Variants in SIL1 observed in about 807,000 individuals in gnomAD.
The protein encoded by SIL1 is SIL1 nucleotide exchange factor, also known as nucleotide exchange factor SIL1.
Under a neutral mutation model 49.1 loss-of-function variants are expected in SIL1, and 40 were observed. The ratio of observed to expected loss-of-function variants is 0.81; its 90% confidence interval spans 0.63 to 1.06. The LOEUF (loss-of-function observed/expected upper bound fraction) is 1.06, where lower values mean the gene tolerates loss of function less well. SIL1 is among the 50% of genes least tolerant of loss of function. SIL1 has a pLI of 0.00. For missense variants in SIL1, 500 were observed against 572.6 expected, an observed-to-expected ratio of 0.87 and a Z score of 1.29; for synonymous variants, 253 against 250.8, an observed-to-expected ratio of 1.01 and a Z score of -0.08.
intron 1 of SIL1, among the ~76,000 whole-genome samples, chr5:139,163,779 T>C (rs1012260978): frequency 6.6e-6 from 1 of 152,202 alleles, no homozygotes; most frequent in Non-Finnish European, 1.5e-5. Context: ...GTTTTTGCCA[T>C]TTAAAATTGC....
At chr5:139,180,318 T>C (rs1322759558) in intron 1 of SIL1, among the ~76,000 whole-genome samples, 1 of 145,822 alleles carries the variant, frequency 6.9e-6, no homozygotes, top group African/African-American at 2.6e-5. Context: ...GAGGTGAAGA[T>C]TGCAGTGAGC....
intron 7 of SIL1, among the ~76,000 whole-genome samples, chr5:139,015,515 C>T (rs527286486): frequency 4.3e-4 from 65 of 152,280 alleles, no homozygotes; most frequent in South Asian, 2.3e-3. Context: ...TCCAAAATCA[C>T]GAAAGTGGCT....
intron 1 of SIL1, among the ~76,000 whole-genome samples, chr5:139,193,456 T>A (rs534086934): frequency 6.6e-6 from 1 of 152,004 alleles, no homozygotes; most frequent in Admixed American, 6.5e-5. Context: ...TAATCCCAGT[T>A]ACTCAGGAGG....
chr5:139,070,590 G>A (rs997976368), intron 3 of SIL1, among the ~76,000 whole-genome samples: 6 of 152,002 alleles, frequency 3.9e-5, no homozygotes, highest in African/African-American at 1.2e-4. Flanking sequence ...CAGACAGCAA[G>A]AAAACTATCA....
intron 3 of SIL1, among the ~76,000 whole-genome samples, chr5:139,092,596 G>C (rs1444884498): frequency 6.6e-6 from 1 of 152,094 alleles, no homozygotes; most frequent in East Asian, 1.9e-4. Context: ...TTTGTTCAGA[G>C]AACACCACAG....
intron 1 of SIL1, among the ~76,000 whole-genome samples, chr5:139,140,000 G>A (rs1481204618): frequency 6.6e-6 from 1 of 152,190 alleles, no homozygotes; most frequent in Non-Finnish European, 1.5e-5. Context: ...GCTGGGTGCA[G>A]TGGCTCATGC....
chr5:138,971,157 A>T (rs1003768693), intron 7 of SIL1, among the ~76,000 whole-genome samples: 2 of 152,304 alleles, frequency 1.3e-5, no homozygotes. Flanking sequence ...AGAGGAGAAC[A>T]GAATGTGTTG....
intron 1 of SIL1, chr5:139,133,587 TG>T (rs959445298): frequency 6.6e-6 from 1 of 152,252 alleles, no homozygotes; most frequent in Non-Finnish European, 1.5e-5. Context: ...GCTGGGTCTC[TG>T]GCAGCTTCTG....
intron 1 of SIL1, among the ~76,000 whole-genome samples, chr5:139,129,603 C>T (rs1234438038): frequency 5.9e-5 from 9 of 152,192 alleles, no homozygotes; most frequent in Non-Finnish European, 1.3e-4. Flanking sequence ...ACCCAGGAGG[C>T]AGAGCTTGCA....
At chr5:139,040,484 C>CTTTTTTGTTTTTTTTT (rs140792595) in intron 5 of SIL1, among the ~76,000 whole-genome samples, 1 of 89,410 alleles carries the variant, frequency 1.1e-5, no homozygotes, top group Non-Finnish European at 2.1e-5. Flanking sequence ...AGTATTTTTT[C>CTTTTTTGTTTTTTTTT]TTTTTTCTTT....
At chr5:139,115,508 G>T (rs910578803) in intron 3 of SIL1, among the ~76,000 whole-genome samples, 5 of 152,194 alleles carry the variant, frequency 3.3e-5, no homozygotes, top group South Asian at 2.1e-4. Flanking sequence ...AGGGAAGGAG[G>T]ACTGGAGATT....
At chr5:139,127,928 G>T in intron 1 of SIL1, 75 bp from the exon 2 acceptor site, 1 of 893,752 alleles carries the variant, frequency 1.1e-6, no homozygotes, top group Non-Finnish European at 1.8e-6. Context: ...TGATTCCCAT[G>T]TCGTCACTTG....
intron 7 of SIL1, among the ~76,000 whole-genome samples, chr5:138,978,878 G>T (rs932357231): frequency 6.6e-6 from 1 of 151,890 alleles, no homozygotes; most frequent in Non-Finnish European, 1.5e-5. Flanking sequence ...TCTTTTTATT[G>T]TTGAATTGTA....
chr5:139,162,448 C>A (rs577476047), intron 1 of SIL1, among the ~76,000 whole-genome samples: 1 of 152,154 alleles, frequency 6.6e-6, no homozygotes, highest in African/African-American at 2.4e-5. Context: ...AGCCTAGCAA[C>A]CACAAACTCC....
intron 3 of SIL1, among the ~76,000 whole-genome samples, chr5:139,062,999 T>C (rs1769628148): frequency 6.6e-6 from 1 of 152,132 alleles, no homozygotes; most frequent in South Asian, 2.1e-4. Flanking sequence ...GATTTCCAAG[T>C]CCAGAGAACA....
chr5:138,971,249 A>G (rs1767263840), intron 7 of SIL1, among the ~76,000 whole-genome samples: 1 of 152,118 alleles, frequency 6.6e-6, no homozygotes, highest in African/African-American at 2.4e-5. Flanking sequence ...ATACTAGATG[A>G]TAATTGACTA....
At chr5:139,131,207 A>G (rs2151797430) in intron 1 of SIL1, among the ~76,000 whole-genome samples, 1 of 152,330 alleles carries the variant, frequency 6.6e-6, no homozygotes, top group Non-Finnish European at 1.5e-5. Flanking sequence ...CAGCCCCAGT[A>G]TACCTCATTA....
At chr5:139,042,522 T>C (rs1581053431) in intron 5 of SIL1, 98 bp downstream of exon 5, 11 of 983,486 alleles carry the variant, frequency 1.1e-5, no homozygotes, top group Non-Finnish European at 1.8e-5. Context: ...TGTTATCCCA[T>C]GTTTATTGCA....
rs73265454 is a variant in SIL1 at position 138,947,464 on chromosome 5, C to T, written c.1039G>A (p.Glu347Lys). 231 of 1,613,336 alleles carry T rather than the reference C, an allele frequency of 1.4e-4. No individual in the cohort carries two copies. The African/African-American group carries it at 2.4e-3, about 17-fold the overall frequency. The change falls in exon 10 of 10, where the codon GAG (glutamate) becomes AAG (lysine). Residue 347 changes from glutamate (E) to lysine (K), a missense_variant. Transcript: ENST00000394817. The surrounding 1 kb of genome is among the most constrained non-coding windows in gnomAD (Gnocchi z 4.1). ...TCCTGGGTCAGCTCAGCCTCCTCCT[C>T]GGCGAACATCTGCCATCCGCCACAG... ...YDLVTEKMFA[E>K]EEAELTQEMS... is the part of the protein sequence containing the mutation.
Sources: gnomAD v4.1 joint callset for allele counts (sites outside exome capture counted in the v4.1 genomes callset) on GRCh38, gnomAD v4.1.1 for gene constraint, Gnocchi (gnomAD v3.1) non-coding constraint, MANE v1.5 for transcripts, NCBI Gene and HGNC (gene_info 2026-07-23, HGNC 2026-07-21) for gene names.